TPTE2: variants seen among roughly 807,000 people sequenced by gnomAD.
The protein encoded by TPTE2 is transmembrane phosphoinositide 3-phosphatase and tensin homolog 2.
A neutral mutation model predicts 78.6 loss-of-function variants in TPTE2; 53 were observed. That is an observed-to-expected ratio of 0.67 (90% CI 0.54 to 0.85). The LOEUF is 0.85. Among genes scored for constraint, TPTE2 ranks in the 40% least tolerant of loss-of-function variants. TPTE2 has a pLI of 0.00. For synonymous variants in TPTE2, 175 were observed against 206.2 expected (o/e 0.85, Z 1.30); for missense variants, 461 against 623.0 (o/e 0.74, Z 2.77).
the TPTE2 span, among the ~76,000 whole-genome samples, chr13:19,549,853 A>C: frequency 3.0e-5 from 3 of 99,534 alleles, no homozygotes; most frequent in African/African-American, 8.0e-5. Context: ...CCTTTGCTGC[A>C]ACATGGATGG....
intron 10 of TPTE2, among the ~76,000 whole-genome samples, chr13:19,456,121 G>A (rs1250933487): frequency 1.3e-5 from 2 of 152,026 alleles, no homozygotes; most frequent in Non-Finnish European, 2.9e-5. Flanking sequence ...AAAATCCCAG[G>A]GAATCTACAT....
At chr13:19,424,856 T>A (rs962892169) in intron 19 of TPTE2, 91 bp downstream of exon 22, 1 of 847,102 alleles carries the variant, frequency 1.2e-6, no homozygotes, top group Non-Finnish European at 1.8e-6. Flanking sequence ...ATAAATTAAG[T>A]TTATGACAAC....
intron 1 of TPTE2, among the ~76,000 whole-genome samples, chr13:19,497,975 A>T (rs1233396107): frequency 6.6e-6 from 1 of 151,774 alleles, no homozygotes. Context: ...GGAGCTGAAA[A>T]CCAAGGCTCG....
At chr13:19,511,006 T>G (rs1475164133) in intron 1 of TPTE2, among the ~76,000 whole-genome samples, 2 of 152,222 alleles carry the variant, frequency 1.3e-5, no homozygotes, top group Non-Finnish European at 2.9e-5. Flanking sequence ...GGAACCATCA[T>G]GCATTACTGA....
rs148537722 is a variant in TPTE2 at position 19,494,460 on chromosome 13, T to C, written c.12-959A>G. On this transcript the variant is annotated intron_variant, in intron 1 of 19. Coordinates refer to ENST00000400230, the Ensembl canonical transcript of TPTE2. Reference sequence around the variant, plus strand: ...TTCGCTCCTGCTGCCCAGGGTGGAATGCAGCGGCATGTTCTCAGCTCACTG... The same window carrying C: ...TTCGCTCCTGCTGCCCAGGGTGGAACGCAGCGGCATGTTCTCAGCTCACTG... 5.9e-5 allele frequency among the ~76,000 whole-genome samples: 9 copies of C among 152,306 alleles called. No individual in the cohort carries two copies. The East Asian group carries it at 1.5e-3, about 26-fold the overall frequency.
At chr13:19,556,894 G>T in the TPTE2 span, among the ~76,000 whole-genome samples, 1 of 134,296 alleles carries the variant, frequency 7.4e-6, no homozygotes. Flanking sequence ...TTTCTTCATT[G>T]ATTTTACTAG....
At chr13:19,509,804 A>T (rs992033230) in intron 1 of TPTE2, among the ~76,000 whole-genome samples, 1 of 152,238 alleles carries the variant, frequency 6.6e-6, no homozygotes, top group Non-Finnish European at 1.5e-5. Context: ...GAGCTCAGAG[A>T]TAAACCTATG....
upstream of TPTE2, among the ~76,000 whole-genome samples, chr13:19,537,498 G>C (rs962621959): frequency 3.3e-5 from 5 of 151,792 alleles, no homozygotes; most frequent in Non-Finnish European, 5.9e-5. Context: ...CTCCCAAAGT[G>C]CTGGGATTAC....
chr13:19,517,412 C>T (rs1432824765), intron 1 of TPTE2, among the ~76,000 whole-genome samples: 2 of 151,848 alleles, frequency 1.3e-5, no homozygotes, highest in Non-Finnish European at 2.9e-5. Context: ...TGGTTGTCCC[C>T]CAGTACCCTG....
intron 1 of TPTE2, among the ~76,000 whole-genome samples, chr13:19,526,662 C>T (rs557016250): frequency 6.6e-6 from 1 of 152,256 alleles, no homozygotes; most frequent in African/African-American, 2.4e-5. Flanking sequence ...ATCAAACCCC[C>T]ATGACACAAA....
At chr13:19,451,263 G>A (rs1223168194) in intron 10 of TPTE2, 38 bp from the exon 14 acceptor site, 1 of 1,611,572 alleles carries the variant, frequency 6.2e-7, no homozygotes, top group African/African-American at 1.3e-5. Context: ...TATTTACATG[G>A]CACCAACACA....
At chr13:19,513,308 A>G (rs1159735127) in intron 1 of TPTE2, among the ~76,000 whole-genome samples, 1 of 152,214 alleles carries the variant, frequency 6.6e-6, no homozygotes, top group Non-Finnish European at 1.5e-5. Context: ...CCTTGAATCT[A>G]AAAGATATGG....
exon 20 of TPTE2, chr13:19,423,035 C>T (rs376960319): frequency 3.7e-6 from 6 of 1,609,728 alleles, no homozygotes; most frequent in Non-Finnish European, 3.4e-6. Context: ...TATACTTAGT[C>T]GGATCCAGCT....
intron 10 of TPTE2, among the ~76,000 whole-genome samples, chr13:19,454,319 G>A (rs1878398947): frequency 6.6e-6 from 1 of 152,168 alleles, no homozygotes; most frequent in African/African-American, 2.4e-5. Flanking sequence ...AGTTAAGTAT[G>A]CCTGGATTTG....
At chr13:19,548,035 TAAG>T in the TPTE2 span, among the ~76,000 whole-genome samples, 1 of 152,036 alleles carries the variant, frequency 6.6e-6, no homozygotes, top group Non-Finnish European at 1.5e-5. Flanking sequence ...ACATTAAACA[TAAG>T]AAGGAAATTC....
rs1871181773 is a variant in TPTE2, at chr13:19,535,762, G to T, written c.-44+834C>A. On this transcript the variant is annotated intron_variant, in intron 1 of 17. Transcript: ENST00000390680. This position sits in a 1 kb window ranked among gnomAD's most constrained non-coding sequence, Gnocchi z 5.1. ...TTCTCCTGCCTCAGCCTCCCAAGTA[G>T]CTGGGACTACATACAGGTGCCTGCC... Among the ~76,000 whole-genome samples, 1 of 152,066 alleles carries T rather than the reference G, an allele frequency of 6.6e-6. No individual in the cohort carries two copies. The highest frequency in any genetic ancestry group is 2.1e-4 in the South Asian group (1 of 4,822).
intron 15 of TPTE2, among the ~76,000 whole-genome samples, chr13:19,435,522 G>A (rs1877012185): frequency 6.6e-6 from 1 of 152,096 alleles, no homozygotes; most frequent in Non-Finnish European, 1.5e-5. Flanking sequence ...ATGACTACAT[G>A]AGGATATATT....
chr13:19,528,148 G>A (rs1248050043), intron 1 of TPTE2, among the ~76,000 whole-genome samples: 4 of 152,064 alleles, frequency 2.6e-5, no homozygotes, highest in Admixed American at 1.3e-4. Flanking sequence ...TTGGGAGGCT[G>A]AGGCAGGTGG....
the TPTE2 span, chr13:19,552,820 T>C: frequency 5.6e-6 from 1 of 179,106 alleles, no homozygotes; most frequent in Non-Finnish European, 1.0e-5. Context: ...ACCTTGACAC[T>C]CATAATTAAA....
Sources: allele counts gnomAD v4.1 joint callset (sites outside exome capture counted in the v4.1 genomes callset), GRCh38; gene constraint gnomAD v4.1.1; non-coding constraint Gnocchi (gnomAD v3.1); transcripts MANE v1.5; gene names NCBI Gene and HGNC (gene_info 2026-07-23, HGNC 2026-07-21).